The following PLA2G4C variants were observed in gnomAD, a reference collection of about 807,000 sequenced individuals.
PLA2G4C encodes the protein phospholipase A2 group IVC.
In PLA2G4C, 64 loss-of-function variants were observed where a neutral mutation model predicts 73.8. The ratio of observed to expected loss-of-function variants is 0.87; its 90% CI spans 0.71 to 1.07. The LOEUF (loss-of-function observed/expected upper bound fraction) is 1.07, where lower values mean the gene tolerates loss of function less well. Ranked by LOEUF, PLA2G4C falls within the 50% of genes least tolerant of loss-of-function variation. The pLI is 0.00. For synonymous variants in PLA2G4C, 254 were observed against 252.1 expected (o/e 1.01, Z -0.07); for missense variants, 622 against 665.4 (o/e 0.93, Z 0.72).
At chr19:48,082,501 T>TTC (rs1055113043) in intron 10 of PLA2G4C, among the ~76,000 whole-genome samples, 4 of 135,732 alleles carry the variant, frequency 2.9e-5, no homozygotes, top group African/African-American at 1.0e-4. Flanking sequence ...TCTTTCTTTT[T>TTC]TTTTTTTTTT....
intron 5 of PLA2G4C, among the ~76,000 whole-genome samples, 187 bp from the exon 6 acceptor site, chr19:48,098,446 C>T (rs978708438): frequency 1.3e-5 from 2 of 151,858 alleles, no homozygotes; most frequent in Non-Finnish European, 2.9e-5. Context: ...CCACCTCAAC[C>T]TCCCAAGTAG....
chr19:48,106,875 C>G (rs540350868), intron 1 of PLA2G4C, among the ~76,000 whole-genome samples: 2 of 152,142 alleles, frequency 1.3e-5, no homozygotes, highest in East Asian at 3.9e-4. Flanking sequence ...ATGAAGTTTC[C>G]CTCTTGTTGA....
In PLA2G4C at chr19:48,076,764, A is replaced by G. The variant is rs116042114; in HGVS notation, c.898+1007T>C. On this transcript the variant is annotated intron_variant, in intron 11 of 16. Transcript: ENST00000599921. Reference sequence around the variant, plus strand: ...TCTCCAAAAAAAAAAAAGAAAAAAGAAAAGGAAAGGAAAAAAAAGACGCAA... The same window carrying G: ...TCTCCAAAAAAAAAAAAGAAAAAAGGAAAGGAAAGGAAAAAAAAGACGCAA... Among the ~76,000 whole-genome samples the G allele has an allele frequency of 4.1e-3, 617 of 152,034 alleles. 2 individuals carry two copies. Among genetic ancestry groups the G allele is most frequent in the African/African-American group, 0.014 (572 of 41,488 alleles).
chr19:48,077,898 G>GCGA, intron 10 of PLA2G4C, 74 bp from the exon 11 acceptor site: 1 of 1,234,620 alleles, frequency 8.1e-7, no homozygotes, highest in Non-Finnish European at 1.2e-6. Flanking sequence ...ATTACCTGCA[G>GCGA]CGACGTCTCT....
chr19:48,101,864 AG>A (rs1382480258), intron 4 of PLA2G4C, among the ~76,000 whole-genome samples: 2 of 151,210 alleles, frequency 1.3e-5, no homozygotes, highest in Non-Finnish European at 2.9e-5. Context: ...TAGTAGAGAC[AG>A]GGTTTCACCG....
At chr19:48,095,269 G>A (rs577292816) in intron 7 of PLA2G4C, among the ~76,000 whole-genome samples, 195 bp downstream of exon 7, 114 of 152,130 alleles carry the variant, frequency 7.5e-4, no homozygotes, top group African/African-American at 2.7e-3. Context: ...GGTATCTGCC[G>A]CATTAAGGAG....
rs1011634334 is a variant in PLA2G4C at position 48,083,016 on chromosome 19, A to G, written c.844+2043T>C. On this transcript the variant is annotated intron_variant, in intron 10 of 16. Coordinates refer to ENST00000599921, the MANE Select transcript of PLA2G4C (RefSeq NM_003706.3). ...TTTTTAGTAGAGACGGAGTTTCACC[A>G]TGTTAGCCAGGATGGTCTCGATCTC... is the stretch of plus-strand genomic sequence containing the variant. Among the ~76,000 whole-genome samples the G allele has an allele frequency of 4.7e-5, 7 of 149,314 alleles. No homozygotes were observed. The South Asian group carries it at 6.3e-4, about 14-fold the overall frequency.
rs771879556 is a variant in PLA2G4C, at chr19:48,061,848, G to A, written c.1257+150C>T. Reference sequence around the variant, plus strand: ...GGCCGACCGCGGGTGCTTCGGGAGCGATGGGTGAGTTGATTTGGCTCTCTG... The same window carrying A: ...GGCCGACCGCGGGTGCTTCGGGAGCAATGGGTGAGTTGATTTGGCTCTCTG... On this transcript the variant is annotated intron_variant, in intron 14 of 16. Coordinates refer to ENST00000599921, the MANE Select transcript of PLA2G4C (RefSeq NM_003706.3). 1.1e-5 allele frequency: 8 copies of A among 760,670 alleles called. 1 individual carries two copies. Among genetic ancestry groups the A allele is most frequent in the South Asian group, 6.6e-5 (4 of 61,042 alleles). 47.1% of individuals were successfully genotyped at this position (760,670 alleles called of 1,614,324 possible). A position where few individuals can be genotyped will look rare whatever the true frequency, so the allele number is the denominator to read the frequency against.
chr19:48,106,937 C>T (rs142631098), intron 1 of PLA2G4C, among the ~76,000 whole-genome samples: 6 of 152,166 alleles, frequency 3.9e-5, no homozygotes, highest in Middle Eastern at 6.8e-3. Context: ...CTCCGCCTCC[C>T]GGGTTCAAGC....
At chr19:48,055,414 A>ATATATATAT (rs1967904157) in intron 14 of PLA2G4C, among the ~76,000 whole-genome samples, 2 of 101,152 alleles carry the variant, frequency 2.0e-5, no homozygotes, top group African/African-American at 4.5e-5. Flanking sequence ...TATATATTTC[A>ATATATATAT]ATTAGCCAGG....
chr19:48,068,079 G>A, intron 12 of PLA2G4C, 193 bp from the exon 13 acceptor site: 1 of 568,428 alleles, frequency 1.8e-6, no homozygotes, highest in Non-Finnish European at 3.2e-6. Context: ...CGAGGCAGAA[G>A]GATCACCATA....
At chr19:48,103,230 T>G (rs2032004917) in intron 4 of PLA2G4C, among the ~76,000 whole-genome samples, 1 of 152,012 alleles carries the variant, frequency 6.6e-6, no homozygotes, top group African/African-American at 2.4e-5. Flanking sequence ...ATCATGGGGT[T>G]CCTATCTCAA....
chr19:48,074,689 G>A, intron 12 of PLA2G4C, 78 bp downstream of exon 12: 2 of 947,728 alleles, frequency 2.1e-6, no homozygotes, highest in Non-Finnish European at 3.5e-6. Context: ...CTGGCCCACA[G>A]GGGTGGGGAA....
At chr19:48,052,881 G>T in intron 16 of PLA2G4C, 116 bp downstream of exon 16, 1 of 1,087,478 alleles carries the variant, frequency 9.2e-7, no homozygotes, top group Non-Finnish European at 1.3e-6. Context: ...AAGTAGGGGA[G>T]ACACTGCCTA....
chr19:48,101,245 C>T (rs2031907444), intron 4 of PLA2G4C, among the ~76,000 whole-genome samples: 2 of 150,952 alleles, frequency 1.3e-5, no homozygotes, highest in South Asian at 4.2e-4. Flanking sequence ...CCACCTCAGC[C>T]TCCCAAGTAG....
intron 14 of PLA2G4C, 135 bp from the exon 15 acceptor site, chr19:48,055,184 A>T (rs1465601662): frequency 4.0e-6 from 3 of 747,438 alleles, no homozygotes; most frequent in Non-Finnish European, 6.6e-6. Context: ...CAGCTTGGAC[A>T]GGGACAACAT....
rs1156240478 is a variant in PLA2G4C, at chr19:48,110,560, C to CTCCGGAATCCGGTGCGGAGGCTTGGGT, written c.-107_-106insACCCAAGCCTCCGCACCGGATTCCGGA. The CTCCGGAATCCGGTGCGGAGGCTTGGGT allele has an allele frequency of 6.8e-6, 10 of 1,475,760 alleles. No individual in the cohort carries two copies. The highest frequency in any genetic ancestry group is 8.1e-6 in the Non-Finnish European group (9 of 1,108,422). The allele number at this position is 1,475,760 out of a possible 1,614,324, so 91.4% of individuals were successfully genotyped here. ...CCGGAATCCGGTGCGGAGGCTTGGG[C>CTCCGGAATCCGGTGCGGAGGCTTGGGT]TCCCTGCGCTTAGCGGTGTAGTCGC... On this transcript the variant is annotated 5_prime_UTR_variant, in exon 1 of 17. Coordinates refer to ENST00000599921, the MANE Select transcript of PLA2G4C (RefSeq NM_003706.3).
intron 6 of PLA2G4C, chr19:48,096,896 C>T (rs2031597041): frequency 1.3e-5 from 2 of 152,194 alleles, no homozygotes; most frequent in Non-Finnish European, 2.9e-5. Context: ...TGGCTCATGC[C>T]TGTAATCCCA....
chr19:48,086,850 T>G lies in PLA2G4C; in HGVS notation c.791-1738A>C, dbSNP rs545273787. 1.2e-4 allele frequency among the ~76,000 whole-genome samples: 19 copies of G among 152,156 alleles called. No individual in the cohort carries two copies. The East Asian group carries it at 3.5e-3, about 28-fold the overall frequency. ...ATGATCAGTTCATTACTACTATAAC[T>G]AGCATTCAAGGAAGCCAACCTACTA... On this transcript the variant is annotated intron_variant, in intron 9 of 16. Coordinates refer to ENST00000599921, the MANE Select transcript of PLA2G4C (RefSeq NM_003706.3).
Sources: allele counts gnomAD v4.1 joint callset (sites outside exome capture counted in the v4.1 genomes callset), GRCh38; gene constraint gnomAD v4.1.1; transcripts MANE v1.5; gene names NCBI Gene and HGNC (gene_info 2026-07-23, HGNC 2026-07-21).